CACNA2D4: variants seen among roughly 807,000 people sequenced by gnomAD.
CACNA2D4 encodes the protein calcium voltage-gated channel auxiliary subunit alpha2delta 4.
A neutral mutation model predicts 163.8 loss-of-function variants in CACNA2D4; 157 were observed. The observed-to-expected ratio is 0.96, with a 90% CI of 0.84 to 1.09. The LOEUF (loss-of-function observed/expected upper bound fraction) is 1.09, where lower values mean the gene tolerates loss of function less well. Ranked by LOEUF, CACNA2D4 falls within the 50% of genes least tolerant of loss-of-function variation. The pLI, the probability that CACNA2D4 is intolerant of heterozygous loss-of-function variation, is 0.00. For missense variants in CACNA2D4, 1,410 were observed against 1,479.9 expected (o/e 0.95, Z 0.78); for synonymous variants, 598 against 586.9 (o/e 1.02, Z -0.27).
At chr12:1,821,674 C>T (rs765924791) in intron 26 of CACNA2D4, among the ~76,000 whole-genome samples, 5 of 152,142 alleles carry the variant, frequency 3.3e-5, no homozygotes, top group East Asian at 1.9e-4. Context: ...ACACAGGGGG[C>T]ATGGACACCC....
chr12:1,803,429 G>T (rs186955628), intron 29 of CACNA2D4, among the ~76,000 whole-genome samples: 1 of 152,174 alleles, frequency 6.6e-6, no homozygotes, highest in Non-Finnish European at 1.5e-5. Flanking sequence ...CCCCAGATGC[G>T]CCCACACCAG....
Position 1,869,280 on chromosome 12 carries a change from G to A in CACNA2D4, c.1878+5324C>T, listed in dbSNP as rs963038333. ...TGCAGACAGAAGTGCAGCAGTAGCCGTTTTGCACACTGAAGTCCGCACAGA... is the reference window on the plus strand; with the variant it reads ...TGCAGACAGAAGTGCAGCAGTAGCCATTTTGCACACTGAAGTCCGCACAGA... On this transcript the variant is annotated intron_variant, in intron 18 of 37. Coordinates refer to ENST00000382722, the MANE Select transcript of CACNA2D4 (RefSeq NM_172364.5). This position sits in a 1 kb window ranked among gnomAD's most constrained non-coding sequence, Gnocchi z 4.7. Among the ~76,000 whole-genome samples the A allele has an allele frequency of 3.9e-5, 6 of 152,332 alleles. No individual in the cohort carries two copies. Among genetic ancestry groups the A allele is most frequent in the South Asian group, 2.1e-4 (1 of 4,828 alleles).
In CACNA2D4 at chr12:1,844,387, C is replaced by T. The variant is rs745589449; in HGVS notation, c.2470+15G>A. The stretch of plus-strand genomic sequence containing the variant: ...GAGACTGGCCCAGCCCCGGGAGCAC[C>T]GGGCTGTGTGTTACCTGGTCCTTCT... On this transcript the variant is annotated intron_variant, in intron 25 of 37. Transcript: ENST00000382722. This position sits in a 1 kb window ranked among gnomAD's most constrained non-coding sequence, Gnocchi z 4.2. 2.3e-5 allele frequency: 37 copies of T among 1,612,378 alleles called. No homozygotes were observed. The highest frequency in any genetic ancestry group is 8.9e-5 in the East Asian group (4 of 44,874).
chr12:1,828,165 G>C lies in CACNA2D4; in HGVS notation c.2551+12574C>G. ...GGCCTCACCATGCTGGCGCCGGGCA[G>C]CAGCCCTGGGCAGAGGGGCAGGCTC... On this transcript the variant is annotated intron_variant, in intron 26 of 37. Coordinates refer to ENST00000382722, the MANE Select transcript of CACNA2D4 (RefSeq NM_172364.5). The surrounding 1 kb of genome is among the most constrained non-coding windows in gnomAD (Gnocchi z 4.2). 1 of 1,543,970 alleles carries C rather than the reference G, an allele frequency of 6.5e-7. No individual in the cohort carries two copies. The highest frequency in any genetic ancestry group is 8.7e-7 in the Non-Finnish European group (1 of 1,143,614).
Position 1,812,574 on chromosome 12 carries a change from G to A in CACNA2D4, c.2552-851C>T, listed in dbSNP as rs373946357. On this transcript the variant is annotated intron_variant, in intron 26 of 37. Transcript: ENST00000382722. Reference sequence around the variant, plus strand: ...TAATAATATCAAAACTGCGCTGGGCGCTTAGAACGTGTCCAGCACCTCACA... The same window carrying A: ...TAATAATATCAAAACTGCGCTGGGCACTTAGAACGTGTCCAGCACCTCACA... Among the ~76,000 whole-genome samples, 11 of 152,382 alleles carry A rather than the reference G, an allele frequency of 7.2e-5. No individual in the cohort carries two copies. In the South Asian group the frequency reaches 1.0e-3, roughly 14 times the overall value.
rs375561423 is a variant in CACNA2D4 at position 1,860,152 on chromosome 12, G to A, written c.1933C>T (p.Pro645Ser). 8.7e-6 allele frequency: 14 copies of A among 1,612,868 alleles called. No individual in the cohort carries two copies. The highest frequency in any genetic ancestry group is 1.2e-5 in the Non-Finnish European group (14 of 1,179,050). ...DYFFTDISDTPFSLGVVLSRG... is the reference protein window; with the variant it reads ...DYFFTDISDTSFSLGVVLSRG... ...AAAGCCTGTGTCCCTCACCTGAAAG[G>A]GGTGTCGCTGATGTCCGTGAAGAAG... The change falls in exon 19 of 38, where the codon CCT becomes TCT. Residue 645 changes from proline to serine, a missense_variant. Pro to Ser is a moderately conservative substitution (Grantham distance 74). Transcript: ENST00000382722.
intron 19 of CACNA2D4, among the ~76,000 whole-genome samples, chr12:1,859,282 C>T (rs924578351): frequency 1.3e-5 from 2 of 151,840 alleles, no homozygotes; most frequent in African/African-American, 4.8e-5. Flanking sequence ...TCGCTTGAGC[C>T]CGGGAGGTGG....
At position 1,834,287 on chromosome 12, in the gene CACNA2D4, G is replaced by T; in HGVS notation, c.2551+6452C>A. The T allele has an allele frequency of 6.3e-7, 1 of 1,594,592 alleles. No homozygotes were observed. Among genetic ancestry groups the T allele is most frequent in the South Asian group, 1.1e-5 (1 of 88,076 alleles). Reference sequence around the variant, plus strand: ...TGTAGGGGGACGCTTGGACCAGCTTGCCTGCACCCTGCCCAAGGAGCTGAG... The same window carrying T: ...TGTAGGGGGACGCTTGGACCAGCTTTCCTGCACCCTGCCCAAGGAGCTGAG... On this transcript the variant is annotated intron_variant, in intron 26 of 37. Coordinates refer to ENST00000382722, the MANE Select transcript of CACNA2D4 (RefSeq NM_172364.5). The surrounding 1 kb of genome is among the most constrained non-coding windows in gnomAD (Gnocchi z 7.6).
In CACNA2D4 at chr12:1,792,801, A is replaced by G. The variant is rs796221657; in HGVS notation, c.*854T>C. On this transcript the variant is annotated 3_prime_UTR_variant, in exon 38 of 38. Transcript: ENST00000382722. ...AGTCAAGTAGATTCTTTTGTAAATC[A>G]TTGGCCAGAAAAGAGCACAACCACT... 3 of 152,164 alleles carry G rather than the reference A, an allele frequency of 2.0e-5. No individual in the cohort carries two copies. The highest frequency in any genetic ancestry group is 2.1e-4 in the South Asian group (1 of 4,826). The allele number at this position is 152,164 out of a possible 1,614,324, so 9.4% of individuals were successfully genotyped here. A position where few individuals can be genotyped will look rare whatever the true frequency, so the allele number is the denominator to read the frequency against.
intron 29 of CACNA2D4, among the ~76,000 whole-genome samples, chr12:1,803,918 C>A (rs757735304): frequency 6.6e-6 from 1 of 152,174 alleles, no homozygotes; most frequent in African/African-American, 2.4e-5. Context: ...AAAGCCCTGG[C>A]AGGCTGCATG....
intron 18 of CACNA2D4, among the ~76,000 whole-genome samples, chr12:1,861,887 C>T (rs1865533059): frequency 6.6e-6 from 1 of 152,258 alleles, no homozygotes; most frequent in Admixed American, 6.5e-5. Context: ...CCTACCCCTT[C>T]TGGTCCATCC....
chr12:1,800,588 C>A (rs925271852), intron 31 of CACNA2D4, 150 bp from the exon 32 acceptor site: 4 of 725,630 alleles, frequency 5.5e-6, no homozygotes, highest in Admixed American at 4.6e-5. Flanking sequence ...AGCAGCCCAG[C>A]ACCCCCCATC....
chr12:1,904,994 G>A (rs1220743060), intron 6 of CACNA2D4, among the ~76,000 whole-genome samples: 1 of 151,950 alleles, frequency 6.6e-6, no homozygotes, highest in Non-Finnish European at 1.5e-5. Flanking sequence ...CAAATCTCAG[G>A]AGCATATTAA....
rs1438373548 is a variant in CACNA2D4 at position 1,886,276 on chromosome 12, T to C, written c.940A>G (p.Ile314Val). The change falls in exon 8 of 38, where the codon ATC becomes GTC. Residue 314 changes from isoleucine (I) to valine (V), a missense_variant. Transcript: ENST00000382722. ...GLRMTIAKHT[I>V]TTILDTLGEN... is the part of the protein sequence containing the mutation. ...CCCAGGGTGTCCAAGATGGTGGTGATGGTGTGCTTGGCAATAGTCATCCTC... is the reference window on the plus strand; with the variant it reads ...CCCAGGGTGTCCAAGATGGTGGTGACGGTGTGCTTGGCAATAGTCATCCTC... 6 of 1,613,524 alleles carry C rather than the reference T, an allele frequency of 3.7e-6. No individual in the cohort carries two copies. The highest frequency in any genetic ancestry group is 5.1e-6 in the Non-Finnish European group (6 of 1,179,620).
Position 1,844,749 on chromosome 12 carries a change from G to A in CACNA2D4, c.2343-220C>T, listed in dbSNP as rs1865105734. ...AGCAGCTGGAAGAGGCATAGGGTCTGTAGAGTGAGGGGATACTTTCCATTT... is the reference window on the plus strand; with the variant it reads ...AGCAGCTGGAAGAGGCATAGGGTCTATAGAGTGAGGGGATACTTTCCATTT... On this transcript the variant is annotated intron_variant, in intron 24 of 37. Coordinates refer to ENST00000382722, the MANE Select transcript of CACNA2D4 (RefSeq NM_172364.5). This position sits in a 1 kb window ranked among gnomAD's most constrained non-coding sequence, Gnocchi z 4.2. Among the ~76,000 whole-genome samples the A allele has an allele frequency of 6.6e-6, 1 of 152,220 alleles. No individual in the cohort carries two copies. The highest frequency in any genetic ancestry group is 2.1e-4 in the South Asian group (1 of 4,834).
At chr12:1,887,672 T>C (rs1866180921) in intron 6 of CACNA2D4, among the ~76,000 whole-genome samples, 2 of 152,206 alleles carry the variant, frequency 1.3e-5, no homozygotes, top group Non-Finnish European at 1.5e-5. Context: ...AATGCTGGTG[T>C]AGATTTTTAT....
chr12:1,884,123 A>G, intron 12 of CACNA2D4, 120 bp downstream of exon 12: 1 of 774,264 alleles, frequency 1.3e-6, no homozygotes, highest in Non-Finnish European at 2.2e-6. Flanking sequence ...TGTTCTTGAC[A>G]TAGCACTGCT....
intron 18 of CACNA2D4, among the ~76,000 whole-genome samples, chr12:1,863,427 A>G (rs1190452585): frequency 6.6e-6 from 1 of 152,236 alleles, no homozygotes; most frequent in Non-Finnish European, 1.5e-5. Flanking sequence ...GCATTTTCAT[A>G]TAAATTTTAG....
At chr12:1,911,041 T>TTTTG (rs71057806) in intron 3 of CACNA2D4, among the ~76,000 whole-genome samples, 1 of 137,710 alleles carries the variant, frequency 7.3e-6, no homozygotes. Flanking sequence ...TTTTTTTTTT[T>TTTTG]GAGATGGAGT....
Sources: gnomAD v4.1 joint callset for allele counts (sites outside exome capture counted in the v4.1 genomes callset) on GRCh38, gnomAD v4.1.1 for gene constraint, Gnocchi (gnomAD v3.1) non-coding constraint, MANE v1.5 for transcripts, NCBI Gene and HGNC (gene_info 2026-07-23, HGNC 2026-07-21) for gene names.